The following PDE8A variants were observed in gnomAD, a reference collection of about 807,000 sequenced individuals.
PDE8A encodes the protein high affinity cAMP-specific and IBMX-insensitive 3',5'-cyclic phosphodiesterase 8A.
Under a neutral mutation model 105.0 loss-of-function variants are expected in PDE8A, and 59 were observed. The ratio of observed to expected loss-of-function variants is 0.56; its 90% CI spans 0.46 to 0.70. The LOEUF (loss-of-function observed/expected upper bound fraction) is 0.70, where lower values mean the gene tolerates loss of function less well. Ranked by LOEUF, PDE8A falls within the 30% of genes least tolerant of loss-of-function variation. The pLI, the probability that PDE8A is intolerant of heterozygous loss-of-function variation, is 0.00. For synonymous variants in PDE8A, 355 were observed against 371.9 expected, an observed-to-expected ratio of 0.95 and a Z score of 0.52; for missense variants, 1,014 against 1,045.9, an observed-to-expected ratio of 0.97 and a Z score of 0.42.
Position 85,046,052 on chromosome 15 carries a change from CTTCT to C in PDE8A, c.187-18313_187-18310del, listed in dbSNP as rs1397584704. Among the ~76,000 whole-genome samples, 8 of 143,802 alleles carry C rather than the reference CTTCT, an allele frequency of 5.6e-5. No individual in the cohort carries two copies. In the South Asian group the frequency reaches 8.8e-4, roughly 16 times the overall value. 94.3% of individuals were successfully genotyped at this position (143,802 alleles called of 152,430 possible). On this transcript the variant is annotated intron_variant, in intron 1 of 21. Transcript: ENST00000394553. ...TAGGACTTAGGCTCTTCGTAAGATT[CTTCT>C]TTCTGTTTCTTTTTTTTTTTTTTTT...
intron 4 of PDE8A, 88 bp downstream of exon 4, chr15:85,076,006 T>C (rs2081375364): frequency 8.3e-6 from 6 of 718,616 alleles, no homozygotes; most frequent in South Asian, 1.8e-5. Flanking sequence ...TTGCATGCTG[T>C]GTCAGGCATG....
In PDE8A at chr15:85,136,499, G is replaced by T. The variant is rs200290944; in HGVS notation, c.2254-35G>T. On this transcript the variant is annotated intron_variant, in intron 20 of 21. Transcript: ENST00000394553. ...GCCCCTAGGTGGAGTGGAACCAGATGTTGGGGTCTCCTGATCACATTTTCT... is the reference window on the plus strand; with the variant it reads ...GCCCCTAGGTGGAGTGGAACCAGATTTTGGGGTCTCCTGATCACATTTTCT... 60 of 1,598,012 alleles carry T rather than the reference G, an allele frequency of 3.8e-5. No individual in the cohort carries two copies. In the African/African-American group the frequency reaches 8.0e-4, roughly 21 times the overall value.
intron 9 of PDE8A, among the ~76,000 whole-genome samples, chr15:85,098,552 T>C (rs1319760237): frequency 6.6e-6 from 1 of 152,074 alleles, no homozygotes; most frequent in Non-Finnish European, 1.5e-5. Flanking sequence ...CTTAAAGAAA[T>C]AATATGGTAA....
intron 1 of PDE8A, among the ~76,000 whole-genome samples, chr15:85,025,731 C>G (rs959089925): frequency 1.3e-5 from 2 of 152,094 alleles, no homozygotes; most frequent in African/African-American, 4.8e-5. Context: ...ACCTTTAGAC[C>G]AAAAAGTCTT....
chr15:85,041,757 T>C (rs1014618023), intron 1 of PDE8A, among the ~76,000 whole-genome samples: 13 of 152,194 alleles, frequency 8.5e-5, no homozygotes, highest in Non-Finnish European at 1.8e-4. Context: ...GCCTGGGCTG[T>C]TGCTGCTATT....
intron 1 of PDE8A, among the ~76,000 whole-genome samples, chr15:85,045,433 G>C (rs7174722): frequency 6.6e-6 from 1 of 151,926 alleles, no homozygotes; most frequent in Admixed American, 6.5e-5. Flanking sequence ...ACAGAACTGG[G>C]TCCCATTCCT....
At chr15:85,067,979 T>C (rs960072499) in intron 3 of PDE8A, among the ~76,000 whole-genome samples, 12 of 152,140 alleles carry the variant, frequency 7.9e-5, no homozygotes, top group African/African-American at 2.7e-4. Context: ...GAAATGTGCC[T>C]GTGTTCCTCA....
chr15:85,021,294 C>T (rs1176315196), intron 1 of PDE8A, among the ~76,000 whole-genome samples: 1 of 152,132 alleles, frequency 6.6e-6, no homozygotes. Context: ...GTAGTCTCAG[C>T]AATTTGGGAA....
chr15:85,130,111 G>T (rs1363687626), intron 20 of PDE8A, among the ~76,000 whole-genome samples: 1 of 152,178 alleles, frequency 6.6e-6, no homozygotes, highest in Non-Finnish European at 1.5e-5. Flanking sequence ...GCAAAGGAAG[G>T]GGGAAGCAGA....
In PDE8A at chr15:85,042,326, C is replaced by T. The variant is rs558905129; in HGVS notation, c.187-22044C>T. 6.6e-5 allele frequency among the ~76,000 whole-genome samples: 10 copies of T among 152,136 alleles called. No homozygotes were observed. In the South Asian group the frequency reaches 2.1e-3, roughly 32 times the overall value. ...CTGGTCTTAGACTACAGGTATGTACCACCGTGCCCAGCTAATTTTTTGTAG... is the reference window on the plus strand; with the variant it reads ...CTGGTCTTAGACTACAGGTATGTACTACCGTGCCCAGCTAATTTTTTGTAG... On this transcript the variant is annotated intron_variant, in intron 1 of 21. Transcript: ENST00000394553.
At chr15:85,001,118 A>C (rs1304728744) in intron 1 of PDE8A, among the ~76,000 whole-genome samples, 1 of 152,086 alleles carries the variant, frequency 6.6e-6, no homozygotes, top group African/African-American at 2.4e-5. Context: ...CGCCCTCTCC[A>C]GCTTCTTCCT....
rs748842900 is a variant in PDE8A, at chr15:85,091,166, C to T, written c.837C>T (p.Cys279=). Reference sequence around the variant, plus strand: ...ACTTGCTCGATACTATAAATTCATGCATCAGGATAGGCAAGGTAAGTAAGA... The same window carrying T: ...ACTTGCTCGATACTATAAATTCATGTATCAGGATAGGCAAGGTAAGTAAGA... The part of the protein sequence containing the change: ...KADLLDTINS[C]IRIGKEWQGI... The change falls in exon 8 of 22, where the codon TGC becomes TGT. Residue 279 remains cysteine (C), a synonymous_variant. Transcript: ENST00000394553. 2.5e-6 allele frequency: 4 copies of T among 1,610,222 alleles called. No individual in the cohort carries two copies. Among genetic ancestry groups the T allele is most frequent in the Non-Finnish European group, 3.4e-6 (4 of 1,178,556 alleles).
At chr15:85,112,127 CT>C (rs150694128) in intron 12 of PDE8A, among the ~76,000 whole-genome samples, 2 of 151,996 alleles carry the variant, frequency 1.3e-5, no homozygotes, top group African/African-American at 2.4e-5. Flanking sequence ...AATCTTTATA[CT>C]TTTTTTCTTA....
At chr15:84,991,790 A>G (rs1259984022) in intron 1 of PDE8A, among the ~76,000 whole-genome samples, 2 of 152,256 alleles carry the variant, frequency 1.3e-5, no homozygotes, top group African/African-American at 4.8e-5. Flanking sequence ...ATTAACTTTG[A>G]TAAATCTCAG....
At position 85,118,083 on chromosome 15, in the gene PDE8A, A is replaced by G. The variant is rs142337908; in HGVS notation, c.1734+244A>G. ...AGGCAGAATTTGGTCCCGGAGGAGA[A>G]ACCTAACAAGGACAGGATAGGGCTA... On this transcript the variant is annotated intron_variant, in intron 17 of 21. Coordinates refer to ENST00000394553, the MANE Select transcript of PDE8A (RefSeq NM_002605.3). Among the ~76,000 whole-genome samples the G allele has an allele frequency of 7.3e-3, 1,111 of 152,280 alleles. 4 individuals are homozygous for G. The highest frequency in any genetic ancestry group is 0.012 in the Non-Finnish European group (838 of 68,014).
At chr15:85,006,828 A>T (rs1355834346) in intron 1 of PDE8A, among the ~76,000 whole-genome samples, 1 of 152,112 alleles carries the variant, frequency 6.6e-6, no homozygotes, top group Non-Finnish European at 1.5e-5. Flanking sequence ...CATGTATATG[A>T]TGTCCCTTCT....
chr15:85,112,926 AT>A (rs1353168800), intron 12 of PDE8A, among the ~76,000 whole-genome samples: 2 of 152,230 alleles, frequency 1.3e-5, no homozygotes, highest in African/African-American at 4.8e-5. Context: ...ACCTTGAAAA[AT>A]TTAACCAGAA....
intron 8 of PDE8A, among the ~76,000 whole-genome samples, chr15:85,093,386 G>A (rs998042585): frequency 6.6e-6 from 1 of 152,164 alleles, no homozygotes; most frequent in South Asian, 2.1e-4. Flanking sequence ...TTCCATCTCC[G>A]GGGAACAGGG....
intron 6 of PDE8A, among the ~76,000 whole-genome samples, chr15:85,089,026 A>G (rs543237917): frequency 2.6e-5 from 4 of 152,178 alleles, no homozygotes; most frequent in Admixed American, 1.3e-4. Flanking sequence ...GGAAGGCTTG[A>G]TGGGGTTCAG....
Sources: gnomAD v4.1 joint callset for allele counts (sites outside exome capture counted in the v4.1 genomes callset) on GRCh38, gnomAD v4.1.1 for gene constraint, MANE v1.5 for transcripts, NCBI Gene and HGNC (gene_info 2026-07-23, HGNC 2026-07-21) for gene names.